Variants in FAM227B observed in about 807,000 individuals in gnomAD.
FAM227B encodes the protein family with sequence similarity 227 member B.
A neutral mutation model predicts 73.8 loss-of-function variants in FAM227B; 88 were observed. That is an observed-to-expected ratio of 1.19 (90% confidence interval 1.00 to 1.42). The LOEUF (loss-of-function observed/expected upper bound fraction) is 1.42. Ranked by LOEUF, FAM227B falls within the 40% of genes most tolerant of loss-of-function variation. The probability of loss-of-function intolerance (pLI) is 0.00; values close to 1 mark genes in which losing one functional copy is unlikely to be tolerated. For missense variants in FAM227B, 632 were observed against 590.9 expected (o/e 1.07, Z -0.72); for synonymous variants, 210 against 190.5 (o/e 1.10, Z -0.84).
At chr15:49,547,943 T>C (rs1199120764) in intron 9 of FAM227B, among the ~76,000 whole-genome samples, 5 of 152,154 alleles carry the variant, frequency 3.3e-5, no homozygotes, top group Admixed American at 3.3e-4. Context: ...AAAGAAATAA[T>C]GGACATAAAT....
At chr15:49,509,078 T>C (rs913943905) in intron 10 of FAM227B, among the ~76,000 whole-genome samples, 1 of 152,102 alleles carries the variant, frequency 6.6e-6, no homozygotes, top group African/African-American at 2.4e-5. Flanking sequence ...AGGCCTATGA[T>C]TGACTAGTTT....
chr15:49,458,232 G>A (rs1036239815), intron 11 of FAM227B, among the ~76,000 whole-genome samples: 28 of 151,820 alleles, frequency 1.8e-4, no homozygotes, highest in African/African-American at 6.3e-4. Context: ...AATAGATTTT[G>A]AATGTATATT....
chr15:49,409,471 T>G (rs1029967642), intron 11 of FAM227B, among the ~76,000 whole-genome samples: 9 of 151,286 alleles, frequency 5.9e-5, no homozygotes, highest in Non-Finnish European at 1.2e-4. Flanking sequence ...GGAGTACTTG[T>G]ACTCTTTTAT....
intron 10 of FAM227B, among the ~76,000 whole-genome samples, chr15:49,524,375 T>G (rs1597872377): frequency 6.6e-6 from 1 of 152,072 alleles, no homozygotes; most frequent in Admixed American, 6.5e-5. Context: ...CTCCATGTGG[T>G]GTTGAGCCTG....
intron 8 of FAM227B, among the ~76,000 whole-genome samples, chr15:49,572,633 C>T (rs1016550929): frequency 2.2e-4 from 33 of 152,228 alleles, no homozygotes; most frequent in African/African-American, 7.7e-4. Flanking sequence ...ACCCACAATT[C>T]CTTTCCTTCT....
intron 10 of FAM227B, among the ~76,000 whole-genome samples, chr15:49,517,519 T>A (rs574403490): frequency 6.6e-6 from 1 of 152,236 alleles, no homozygotes; most frequent in Non-Finnish European, 1.5e-5. Flanking sequence ...AAATCATTCA[T>A]GAGAATTAGA....
At chr15:49,330,215 C>G (rs1201567506) in intron 15 of FAM227B, 1 of 152,150 alleles carries the variant, frequency 6.6e-6, no homozygotes, top group African/African-American at 2.4e-5. Flanking sequence ...GTAGGAGGCT[C>G]AGTGAGAGTG....
chr15:49,540,266 T>C (rs933493051), intron 10 of FAM227B, among the ~76,000 whole-genome samples: 2 of 152,182 alleles, frequency 1.3e-5, no homozygotes, highest in African/African-American at 4.8e-5. Context: ...GCTAGGATCC[T>C]TTGCAGAGCA....
chr15:49,351,027 A>C (rs1315039585), intron 13 of FAM227B, among the ~76,000 whole-genome samples: 1 of 152,234 alleles, frequency 6.6e-6, no homozygotes. Flanking sequence ...TGGCCAGTGC[A>C]TAACCTACTC....
intron 11 of FAM227B, among the ~76,000 whole-genome samples, chr15:49,392,406 G>A (rs370634321): frequency 5.3e-5 from 8 of 152,124 alleles, no homozygotes; most frequent in Admixed American, 1.3e-4. Flanking sequence ...ATGTCTGTGC[G>A]ATGAGGATGC....
At chr15:49,347,356 G>C (rs1393971495) in intron 13 of FAM227B, among the ~76,000 whole-genome samples, 1 of 152,148 alleles carries the variant, frequency 6.6e-6, no homozygotes, top group Admixed American at 6.5e-5. Context: ...GACTGTAACA[G>C]CTTAGTGATC....
intron 11 of FAM227B, among the ~76,000 whole-genome samples, chr15:49,426,323 G>A (rs569427810): frequency 1.3e-5 from 2 of 151,812 alleles, no homozygotes; most frequent in Non-Finnish European, 2.9e-5. Flanking sequence ...CTCACACAAC[G>A]AATGAGATGA....
chr15:49,331,454 G>A lies in FAM227B; in HGVS notation c.1419+326C>T, dbSNP rs534321304. The A allele has an allele frequency of 1.2e-5, 3 of 257,302 alleles. No homozygotes were observed. The East Asian group carries it at 2.7e-4, about 23-fold the overall frequency. The allele number at this position is 257,302 out of a possible 1,614,324, so 15.9% of individuals were successfully genotyped here. On this transcript the variant is annotated intron_variant, in intron 15 of 15. Transcript: ENST00000299338. Reference sequence around the variant, plus strand: ...TAACACAGCTGTTGGTACCCAATATGATTTTGTTGAATTATTAATGAAAAA... The same window carrying A: ...TAACACAGCTGTTGGTACCCAATATAATTTTGTTGAATTATTAATGAAAAA...
intron 13 of FAM227B, among the ~76,000 whole-genome samples, chr15:49,367,193 C>G (rs981504736): frequency 6.6e-6 from 1 of 152,052 alleles, no homozygotes; most frequent in Non-Finnish European, 1.5e-5. Context: ...ATCAGAGAAC[C>G]AAATATACTA....
intron 9 of FAM227B, among the ~76,000 whole-genome samples, chr15:49,548,480 C>G (rs1567548604): frequency 6.6e-6 from 1 of 152,030 alleles, no homozygotes; most frequent in Admixed American, 6.6e-5. Context: ...CTGTAGTTTT[C>G]TTTTCTTTTC....
intron 9 of FAM227B, among the ~76,000 whole-genome samples, chr15:49,564,838 G>A (rs1598272742): frequency 2.0e-5 from 3 of 151,732 alleles, no homozygotes; most frequent in African/African-American, 7.3e-5. Context: ...GGGACTACTA[G>A]ATAGAAGAGG....
chr15:49,373,348 T>C (rs569698421), intron 11 of FAM227B, among the ~76,000 whole-genome samples: 1 of 152,048 alleles, frequency 6.6e-6, no homozygotes, highest in African/African-American at 2.4e-5. Context: ...GCAAAGAAAC[T>C]CATCTACATA....
intron 11 of FAM227B, chr15:49,424,149 T>C: frequency 1.5e-6 from 1 of 645,240 alleles, no homozygotes. Flanking sequence ...ACTAAAAGGA[T>C]AAGGCTAACA....
intron 5 of FAM227B, among the ~76,000 whole-genome samples, chr15:49,583,733 C>T (rs944198834): frequency 7.2e-5 from 11 of 151,824 alleles, no homozygotes; most frequent in Admixed American, 4.6e-4. Flanking sequence ...ACTATAAGCA[C>T]CTCTGTCCAC....
Sources: gnomAD v4.1 joint callset for allele counts (sites outside exome capture counted in the v4.1 genomes callset) on GRCh38, gnomAD v4.1.1 for gene constraint, MANE v1.5 for transcripts, NCBI Gene and HGNC (gene_info 2026-07-23, HGNC 2026-07-21) for gene names.